Variants in NELL1 observed in about 807,000 individuals in gnomAD.
NELL1 encodes the protein neural EGFL like 1, also known as protein kinase C-binding protein NELL1.
Under a neutral mutation model 107.4 loss-of-function variants are expected in NELL1, and 76 were observed. The observed-to-expected ratio is 0.71, with a 90% CI of 0.59 to 0.86. The LOEUF (loss-of-function observed/expected upper bound fraction) is 0.86, where lower values mean the gene tolerates loss of function less well. Among genes scored for constraint, NELL1 ranks in the 40% least tolerant of loss-of-function variants. NELL1 has a pLI of 0.00. For missense variants in NELL1, 1,024 were observed against 1,005.5 expected (o/e 1.02, Z -0.25); for synonymous variants, 353 against 341.2 (o/e 1.03, Z -0.38).
intron 12 of NELL1, among the ~76,000 whole-genome samples, chr11:21,050,912 C>T (rs1301980800): frequency 2.0e-5 from 3 of 152,102 alleles, no homozygotes; most frequent in East Asian, 1.9e-4. Context: ...ACTGGCTCCC[C>T]GAGGTTGTCC....
chr11:21,385,554 A>C (rs887030360), intron 15 of NELL1, among the ~76,000 whole-genome samples: 1 of 151,810 alleles, frequency 6.6e-6, no homozygotes, highest in African/African-American at 2.4e-5. Context: ...TCCTAGTATA[A>C]ACCACTCATA....
At chr11:21,398,692 G>T (rs1852032935) in intron 15 of NELL1, among the ~76,000 whole-genome samples, 1 of 151,662 alleles carries the variant, frequency 6.6e-6, no homozygotes, top group Non-Finnish European at 1.5e-5. Context: ...TACAATGTCT[G>T]GCAGATGCTC....
intron 12 of NELL1, among the ~76,000 whole-genome samples, chr11:21,106,606 A>G (rs1157346431): frequency 6.6e-6 from 1 of 152,144 alleles, no homozygotes; most frequent in African/African-American, 2.4e-5. Flanking sequence ...GAGTAGGAAA[A>G]TGAGAAAGAG....
At chr11:21,323,606 G>C (rs764931184) in intron 14 of NELL1, among the ~76,000 whole-genome samples, 5 of 152,056 alleles carry the variant, frequency 3.3e-5, no homozygotes, top group Non-Finnish European at 7.4e-5. Context: ...ATGTCTCCAA[G>C]ATGGCTGCCC....
At chr11:21,105,636 G>A (rs1482817935) in intron 12 of NELL1, among the ~76,000 whole-genome samples, 1 of 152,142 alleles carries the variant, frequency 6.6e-6, no homozygotes, top group Admixed American at 6.5e-5. Flanking sequence ...TCTGCAGCTC[G>A]ATTTTATGGG....
intron 15 of NELL1, among the ~76,000 whole-genome samples, chr11:21,505,757 T>C (rs541710787): frequency 6.6e-6 from 1 of 152,228 alleles, no homozygotes; most frequent in Non-Finnish European, 1.5e-5. Context: ...AAAGCAACTT[T>C]AATCATCCCC....
chr11:21,205,164 C>G (rs1439978981), intron 13 of NELL1, among the ~76,000 whole-genome samples: 1 of 152,184 alleles, frequency 6.6e-6, no homozygotes, highest in Non-Finnish European at 1.5e-5. Context: ...CTGCTCTCTT[C>G]AGCAGCCATC....
chr11:21,538,443 G>A (rs997260149), intron 16 of NELL1, among the ~76,000 whole-genome samples: 1 of 152,094 alleles, frequency 6.6e-6, no homozygotes. Context: ...TATTGCAGAG[G>A]CAGATAGAGT....
intron 14 of NELL1, among the ~76,000 whole-genome samples, chr11:21,337,825 T>C (rs61885489): frequency 8.7e-5 from 2 of 23,118 alleles, no homozygotes; most frequent in African/African-American, 1.7e-4. Context: ...TCCTTCTTTC[T>C]TTCTTTCTTT....
At chr11:20,981,576 G>A (rs1482140186) in intron 12 of NELL1, among the ~76,000 whole-genome samples, 1 of 152,114 alleles carries the variant, frequency 6.6e-6, no homozygotes, top group Non-Finnish European at 1.5e-5. Flanking sequence ...AGCCATACTG[G>A]GGGCTGTTTC....
chr11:21,044,689 G>T (rs561585582), intron 12 of NELL1, among the ~76,000 whole-genome samples: 1 of 152,280 alleles, frequency 6.6e-6, no homozygotes, highest in East Asian at 1.9e-4. Flanking sequence ...GAATGGACAT[G>T]CCTTTTTTTC....
intron 14 of NELL1, among the ~76,000 whole-genome samples, chr11:21,301,886 C>A (rs1849498540): frequency 6.6e-6 from 1 of 151,978 alleles, no homozygotes; most frequent in South Asian, 2.1e-4. Context: ...TTCTTTTAAT[C>A]CTCACAGCAA....
intron 14 of NELL1, among the ~76,000 whole-genome samples, chr11:21,277,521 C>A (rs1354090800): frequency 1.3e-5 from 2 of 151,944 alleles, no homozygotes; most frequent in East Asian, 1.9e-4. Flanking sequence ...ACTAGAAATA[C>A]CATTTGACCC....
chr11:20,811,654 C>T (rs559515628), intron 3 of NELL1, among the ~76,000 whole-genome samples: 2 of 151,676 alleles, frequency 1.3e-5, no homozygotes, highest in South Asian at 2.1e-4. Flanking sequence ...GTTCTTTTAC[C>T]CCCTTGGTTA....
chr11:21,324,120 G>A (rs1172013390), intron 14 of NELL1, among the ~76,000 whole-genome samples: 6 of 152,060 alleles, frequency 3.9e-5, no homozygotes, highest in African/African-American at 9.7e-5. Flanking sequence ...CATGGTGCTG[G>A]ATACTTTGCT....
intron 12 of NELL1, among the ~76,000 whole-genome samples, chr11:21,093,556 G>C (rs1854570103): frequency 6.6e-6 from 1 of 152,134 alleles, no homozygotes; most frequent in Non-Finnish European, 1.5e-5. Flanking sequence ...GTATTAGTTT[G>C]CTTTCATGCT....
intron 14 of NELL1, among the ~76,000 whole-genome samples, chr11:21,311,868 T>A (rs1849756468): frequency 6.6e-6 from 1 of 152,174 alleles, no homozygotes; most frequent in African/African-American, 2.4e-5. Flanking sequence ...ATAAATATGT[T>A]GAAACATAAT....
At chr11:21,035,201 A>G (rs192791632) in intron 12 of NELL1, among the ~76,000 whole-genome samples, 1 of 152,208 alleles carries the variant, frequency 6.6e-6, no homozygotes, top group African/African-American at 2.4e-5. Context: ...TGAATAGACT[A>G]ATCATGAACT....
chr11:21,340,817 C>G (rs1408504481), intron 14 of NELL1, among the ~76,000 whole-genome samples: 1 of 152,070 alleles, frequency 6.6e-6, no homozygotes, highest in Non-Finnish European at 1.5e-5. Flanking sequence ...AAGGAACCAA[C>G]CCTGTTGACA....
Sources: allele counts gnomAD v4.1 joint callset (sites outside exome capture counted in the v4.1 genomes callset), GRCh38; gene constraint gnomAD v4.1.1; transcripts MANE v1.5; gene names NCBI Gene and HGNC (gene_info 2026-07-23, HGNC 2026-07-21).